The following MIPOL1 variants were observed in gnomAD, a reference collection of about 807,000 sequenced individuals.
MIPOL1 encodes mirror-image polydactyly gene 1 protein.
A neutral mutation model predicts 60.9 loss-of-function variants in MIPOL1; 57 were observed. That is an observed-to-expected ratio of 0.94 (90% CI 0.76 to 1.17). MIPOL1 has a LOEUF of 1.17. Ranked by LOEUF, MIPOL1 falls within the 50% of genes most tolerant of loss-of-function variation. MIPOL1 has a pLI of 0.00. For synonymous variants in MIPOL1, 179 were observed against 168.8 expected (o/e 1.06, Z -0.47); for missense variants, 551 against 511.6 (o/e 1.08, Z -0.74).
At chr14:37,446,687 A>G (rs2094340316) in intron 11 of MIPOL1, among the ~76,000 whole-genome samples, 1 of 152,208 alleles carries the variant, frequency 6.6e-6, no homozygotes, top group Non-Finnish European at 1.5e-5. Context: ...ATGTCCAACA[A>G]TGATAGACTG....
intron 11 of MIPOL1, among the ~76,000 whole-genome samples, chr14:37,447,675 A>G (rs957212269): frequency 6.6e-6 from 1 of 152,208 alleles, no homozygotes; most frequent in African/African-American, 2.4e-5. Context: ...AAGAGGCAGA[A>G]CAATGATATG....
At chr14:37,456,420 C>T (rs998930114) in intron 11 of MIPOL1, among the ~76,000 whole-genome samples, 7 of 152,036 alleles carry the variant, frequency 4.6e-5, no homozygotes, top group South Asian at 2.1e-4. Context: ...ATAATAGACA[C>T]GTATTAAATG....
intron 1 of MIPOL1, among the ~76,000 whole-genome samples, chr14:37,229,876 T>C (rs1970344408): frequency 6.6e-6 from 1 of 152,124 alleles, no homozygotes. Flanking sequence ...AAGTTGGATT[T>C]AGAAATAGGA....
chr14:37,303,536 C>T (rs2086509116), intron 7 of MIPOL1, among the ~76,000 whole-genome samples: 1 of 151,802 alleles, frequency 6.6e-6, no homozygotes, highest in South Asian at 2.1e-4. Context: ...TGCTTATCTA[C>T]TTTAATTTAT....
intron 9 of MIPOL1, among the ~76,000 whole-genome samples, chr14:37,361,645 T>C (rs1475065950): frequency 8.7e-6 from 1 of 114,572 alleles, no homozygotes; most frequent in Non-Finnish European, 1.7e-5. Flanking sequence ...TTTGCCTCTC[T>C]CGCAGTCTGA....
chr14:37,462,852 C>G (rs553117352), intron 11 of MIPOL1, among the ~76,000 whole-genome samples: 1 of 152,252 alleles, frequency 6.6e-6, no homozygotes, highest in African/African-American at 2.4e-5. Context: ...GCATTTTTGT[C>G]CAAGCCCTTT....
intron 11 of MIPOL1, among the ~76,000 whole-genome samples, chr14:37,439,702 C>T (rs146489816): frequency 2.6e-5 from 4 of 152,264 alleles, no homozygotes; most frequent in Admixed American, 2.0e-4. Context: ...CATACCCCCA[C>T]TCTCTGGTAT....
intron 1 of MIPOL1, among the ~76,000 whole-genome samples, chr14:37,225,084 C>A (rs897255293): frequency 1.1e-4 from 17 of 152,172 alleles, no homozygotes; most frequent in Admixed American, 1.1e-3. Context: ...GAGGTGGGTT[C>A]CCATGGTCTT....
intron 9 of MIPOL1, among the ~76,000 whole-genome samples, chr14:37,328,261 C>T (rs1372903701): frequency 2.6e-5 from 4 of 151,966 alleles, no homozygotes; most frequent in Admixed American, 6.6e-5. Flanking sequence ...GCAATCCATC[C>T]GCCTCAGCCT....
intron 9 of MIPOL1, among the ~76,000 whole-genome samples, chr14:37,363,358 A>G (rs1363110935): frequency 6.6e-6 from 1 of 152,132 alleles, no homozygotes; most frequent in African/African-American, 2.4e-5. Context: ...TTTTCTTCTA[A>G]CAGTCAGGTC....
chr14:37,212,722 G>A (rs189810367), intron 1 of MIPOL1, among the ~76,000 whole-genome samples: 6 of 152,260 alleles, frequency 3.9e-5, no homozygotes, highest in Admixed American at 1.3e-4. Flanking sequence ...TTGAGCGAAC[G>A]TAGGCTGTAG....
At chr14:37,285,224 C>A (rs2084453252) in intron 6 of MIPOL1, 94 bp from the exon 7 acceptor site, 14 of 1,311,846 alleles carry the variant, frequency 1.1e-5, no homozygotes, top group Admixed American at 3.9e-5. Flanking sequence ...GTAGTCCTTA[C>A]AGTAATAATT....
chr14:37,451,808 CTTTTTTTTTTT>C (rs535978128), intron 11 of MIPOL1, among the ~76,000 whole-genome samples: 2 of 84,574 alleles, frequency 2.4e-5, no homozygotes, highest in African/African-American at 1.3e-4. Context: ...TTTATTCTCT[CTTTTTTTTTTT>C]TTTTTTTTTT....
At chr14:37,234,942 ATTTTT>A (rs5807941) in intron 1 of MIPOL1, among the ~76,000 whole-genome samples, 15 of 116,830 alleles carry the variant, frequency 1.3e-4, no homozygotes, top group Non-Finnish European at 2.1e-4. Context: ...CGTACGGCTA[ATTTTT>A]TTTTTTTTTT....
Position 37,415,348 on chromosome 14 carries a change from C to G in MIPOL1, c.937-7507C>G, listed in dbSNP as rs1393266500. Among the ~76,000 whole-genome samples, 8 of 151,788 alleles carry G rather than the reference C, an allele frequency of 5.3e-5. No individual in the cohort carries two copies. In the South Asian group the frequency reaches 1.7e-3, roughly 32 times the overall value. ...AAAATTAGCACAGATTTTGGCCGGG[C>G]ATGGTGGCTCACGCCTATAATCCCA... On this transcript the variant is annotated intron_variant, in intron 10 of 12. Coordinates refer to ENST00000684589, the MANE Select transcript of MIPOL1 (RefSeq NM_001388067.1).
intron 9 of MIPOL1, among the ~76,000 whole-genome samples, chr14:37,322,241 C>T (rs2088654357): frequency 6.6e-6 from 1 of 151,962 alleles, no homozygotes; most frequent in Non-Finnish European, 1.5e-5. Flanking sequence ...TGCACATTCT[C>T]TACGTCTGAC....
chr14:37,308,622 A>C, intron 9 of MIPOL1, 103 bp downstream of exon 9: 1 of 734,534 alleles, frequency 1.4e-6, no homozygotes, highest in Non-Finnish European at 2.0e-6. Context: ...AATTCACATT[A>C]ATTTTTAGCA....
chr14:37,293,393 A>G (rs1365680253), intron 7 of MIPOL1, among the ~76,000 whole-genome samples: 1 of 152,106 alleles, frequency 6.6e-6, no homozygotes, highest in African/African-American at 2.4e-5. Flanking sequence ...GATGCAGAAG[A>G]CGGGTGATTT....
At chr14:37,402,169 A>G (rs564327807) in intron 10 of MIPOL1, among the ~76,000 whole-genome samples, 1 of 152,256 alleles carries the variant, frequency 6.6e-6, no homozygotes, top group Admixed American at 6.5e-5. Context: ...TATATATCAC[A>G]TGATTTATTA....
Sources: allele counts gnomAD v4.1 joint callset (sites outside exome capture counted in the v4.1 genomes callset), GRCh38; gene constraint gnomAD v4.1.1; transcripts MANE v1.5; gene names NCBI Gene and HGNC (gene_info 2026-07-23, HGNC 2026-07-21).